PIWIL4: variants seen among roughly 807,000 people sequenced by gnomAD.
PIWIL4 encodes the protein piwi like RNA-mediated gene silencing 4.
Under a neutral mutation model 100.9 loss-of-function variants are expected in PIWIL4, and 50 were observed. The ratio of observed to expected loss-of-function variants is 0.50; its 90% CI spans 0.39 to 0.63. The LOEUF (loss-of-function observed/expected upper bound fraction) is 0.63, where lower values mean the gene tolerates loss of function less well. PIWIL4 is among the 20% of genes least tolerant of loss of function. The pLI, the probability that PIWIL4 is intolerant of heterozygous loss-of-function variation, is 0.00. For missense variants in PIWIL4, 887 were observed against 1,043.3 expected, an observed-to-expected ratio of 0.85 and a Z score of 2.06; for synonymous variants, 342 against 367.5, an observed-to-expected ratio of 0.93 and a Z score of 0.79.
Position 94,585,544 on chromosome 11 carries a change from T to G in PIWIL4, c.716+19T>G, listed in dbSNP as rs1156552155. 8 of 1,549,504 alleles carry G rather than the reference T, an allele frequency of 5.2e-6. No homozygotes were observed. The highest frequency in any genetic ancestry group is 7.1e-6 in the Non-Finnish European group (8 of 1,129,236). On this transcript the variant is annotated intron_variant, in intron 6 of 19. Transcript: ENST00000299001. ...AGCACAAGTAGGTTTATTTATATTT[T>G]CTGTTACTCCGAAATTATTATAATG...
intron 2 of PIWIL4, among the ~76,000 whole-genome samples, chr11:94,573,460 C>A (rs1215095667): frequency 1.3e-5 from 2 of 152,104 alleles, no homozygotes; most frequent in African/African-American, 4.8e-5. Context: ...TGAGATATGT[C>A]CCATCAATAC....
At chr11:94,619,177 G>A (rs1054839117) in intron 17 of PIWIL4, among the ~76,000 whole-genome samples, 2 of 152,216 alleles carry the variant, frequency 1.3e-5, no homozygotes, top group African/African-American at 4.8e-5. Context: ...CCCAGAGGAT[G>A]TAAGGATGCC....
intron 6 of PIWIL4, 39 bp from the exon 7 acceptor site, chr11:94,587,010 AC>A (rs1276540656): frequency 4.6e-5 from 68 of 1,470,242 alleles, no homozygotes; most frequent in Non-Finnish European, 6.2e-5. Context: ...TTCCGGTATA[AC>A]ATTGACAATA....
intron 5 of PIWIL4, among the ~76,000 whole-genome samples, chr11:94,583,992 C>T (rs1411796614): frequency 6.6e-6 from 1 of 152,150 alleles, no homozygotes; most frequent in Non-Finnish European, 1.5e-5. Flanking sequence ...TGCTTTCTGC[C>T]CTGGCTCCAC....
chr11:94,600,489 G>T (rs977373418), intron 11 of PIWIL4, among the ~76,000 whole-genome samples: 16 of 152,172 alleles, frequency 1.1e-4, no homozygotes, highest in Admixed American at 8.5e-4. Context: ...CGAATAGGGT[G>T]TCGGTCACAA....
intron 8 of PIWIL4, among the ~76,000 whole-genome samples, chr11:94,591,242 C>T (rs964237516): frequency 4.6e-5 from 7 of 152,144 alleles, no homozygotes; most frequent in African/African-American, 1.7e-4. Flanking sequence ...CATCCACTCA[C>T]TGGCCTACAC....
rs184766973 is a variant in PIWIL4, at chr11:94,607,642, A to G, written c.1839+3A>G. 1.7e-4 allele frequency: 275 copies of G among 1,612,074 alleles called. No homozygotes were observed. Among genetic ancestry groups the G allele is most frequent in the African/African-American group, 1.5e-3 (110 of 74,958 alleles). ...AGCTGTGGGCTGTGGAAATACCTGT[A>G]AGGACCCTGTCACATTTTTTCTATT... On this transcript the variant is annotated splice_donor_region_variant and intron_variant, in intron 14 of 19. Transcript: ENST00000299001.
At chr11:94,597,280 A>G (rs1424897664) in intron 10 of PIWIL4, among the ~76,000 whole-genome samples, 1 of 152,186 alleles carries the variant, frequency 6.6e-6, no homozygotes, top group Non-Finnish European at 1.5e-5. Context: ...AGAAATTCAC[A>G]TATTCACAAA....
At chr11:94,576,824 T>C (rs1258238653) in intron 3 of PIWIL4, among the ~76,000 whole-genome samples, 1 of 152,242 alleles carries the variant, frequency 6.6e-6, no homozygotes, top group Non-Finnish European at 1.5e-5. Context: ...TTCAGAAATA[T>C]GATTAACTTT....
intron 13 of PIWIL4, among the ~76,000 whole-genome samples, chr11:94,604,389 A>G (rs931455324): frequency 1.3e-5 from 2 of 152,112 alleles, no homozygotes; most frequent in African/African-American, 4.8e-5. Context: ...AGTGTTCCCT[A>G]TATTTCAGGG....
chr11:94,620,940 G>A lies in PIWIL4; in HGVS notation c.2507G>A (p.Ser836Asn). 6.2e-7 allele frequency: 1 copy of A among 1,613,768 alleles called. No homozygotes were observed. Among genetic ancestry groups the A allele is most frequent in the East Asian group, 2.2e-5 (1 of 44,858 alleles). ...AHKLTFLVAQ[S>N]IHKEPSLELA... ...AAGCTGACCTTTCTGGTGGCACAAA[G>A]CATTCATAAAGAACCCAGTCTGGAA... is the stretch of plus-strand genomic sequence containing the variant. The change falls in exon 20 of 20, where the codon AGC (serine) becomes AAC (asparagine). Residue 836 changes from serine (S) to asparagine (N), a missense_variant. Ser to Asn is a conservative substitution (Grantham distance 46, BLOSUM62 1). This residue lies in a region of PIWIL4 where 741 missense variants were observed against 930.0 expected (regional missense o/e 0.80). Coordinates refer to ENST00000299001, the MANE Select transcript of PIWIL4 (RefSeq NM_152431.3).
At chr11:94,580,890 C>CTTTTTTTT (rs956802836) in intron 4 of PIWIL4, among the ~76,000 whole-genome samples, 3 of 78,942 alleles carry the variant, frequency 3.8e-5, no homozygotes, top group African/African-American at 1.1e-4. Flanking sequence ...CTCTGCCAGG[C>CTTTTTTTT]TTTTTTTTTT....
At chr11:94,613,513 C>G (rs935462467) in intron 15 of PIWIL4, among the ~76,000 whole-genome samples, 2 of 152,196 alleles carry the variant, frequency 1.3e-5, no homozygotes, top group Non-Finnish European at 2.9e-5. Context: ...GATTCAAGAA[C>G]ATTTTAGCCA....
In PIWIL4 at chr11:94,567,403, A is replaced by AGGTG; in HGVS notation, c.-116_-115insGGTG. 2.1e-6 allele frequency: 2 copies of AGGTG among 940,330 alleles called. No homozygotes were observed. Among genetic ancestry groups the AGGTG allele is most frequent in the East Asian group, 5.6e-5 (2 of 35,522 alleles). 58.2% of individuals were successfully genotyped at this position (940,330 alleles called of 1,614,324 possible). A position where few individuals can be genotyped will look rare whatever the true frequency, so the allele number is the denominator to read the frequency against. On this transcript the variant is annotated 5_prime_UTR_variant, in exon 1 of 20. It removes the in-frame stop codon of an upstream open reading frame in the 5' UTR. Coordinates refer to ENST00000299001, the MANE Select transcript of PIWIL4 (RefSeq NM_152431.3). ...CCCCGGCGTTGGTTGTGGATGCTGG[A>AGGTG]CATCCACCGCCTCCAGGCAGTTTCG...
At chr11:94,612,924 T>C (rs534575526) in intron 15 of PIWIL4, among the ~76,000 whole-genome samples, 1 of 152,332 alleles carries the variant, frequency 6.6e-6, no homozygotes, top group Non-Finnish European at 1.5e-5. Flanking sequence ...ATTGTATTGT[T>C]ATTTTCTTAT....
At chr11:94,567,660 C>T (rs73521558) in intron 1 of PIWIL4, 55 bp downstream of exon 1, 1 of 1,492,298 alleles carries the variant, frequency 6.7e-7, no homozygotes, top group Non-Finnish European at 9.0e-7. Context: ...CTGTCTCTAG[C>T]CTGAACAATG....
At chr11:94,583,040 A>ATGTGTGTGTGTGTGTG (rs200968891) in intron 4 of PIWIL4, among the ~76,000 whole-genome samples, 122 of 118,194 alleles carry the variant, frequency 1.0e-3, no homozygotes, top group African/African-American at 3.6e-3. Flanking sequence ...GTGTATATAT[A>ATGTGTGTGTGTGTGTG]TATATGTGTG....
At chr11:94,590,140 A>G (rs533694458) in intron 8 of PIWIL4, among the ~76,000 whole-genome samples, 1 of 152,262 alleles carries the variant, frequency 6.6e-6, no homozygotes, top group East Asian at 1.9e-4. Flanking sequence ...TCCTTAGCTA[A>G]CTTTAGAAAG....
At chr11:94,583,062 G>A (rs1438296324) in intron 4 of PIWIL4, among the ~76,000 whole-genome samples, 1 of 151,794 alleles carries the variant, frequency 6.6e-6, no homozygotes, top group Non-Finnish European at 1.5e-5. Context: ...GTGTGTGTGT[G>A]TGTGTGTGTG....
Sources: allele counts gnomAD v4.1 joint callset (sites outside exome capture counted in the v4.1 genomes callset), GRCh38; gene constraint gnomAD v4.1.1; regional missense constraint gnomAD v4.1.1; transcripts MANE v1.5; gene names NCBI Gene and HGNC (gene_info 2026-07-23, HGNC 2026-07-21).